The following ABAT variants were observed in gnomAD, a reference collection of about 807,000 sequenced individuals.
ABAT encodes 4-aminobutyrate aminotransferase, mitochondrial.
ABAT carries 45 observed loss-of-function variants against 64.6 expected under a neutral mutation model. The observed-to-expected ratio is 0.70, with a 90% confidence interval of 0.55 to 0.89. ABAT has a LOEUF of 0.89. Ranked by LOEUF, ABAT falls within the 40% of genes least tolerant of loss-of-function variation. The pLI is 0.00. For synonymous variants in ABAT, 297 were observed against 250.5 expected (o/e 1.19, Z -1.75); for missense variants, 633 against 658.4 (o/e 0.96, Z 0.42).
chr16:8,775,542 A>G lies in ABAT; in HGVS notation c.1122+485A>G, dbSNP rs116157491. ...CATACTCTTACCCACTACACTGTGTACTGCCATGTGTGCATACAGATTTAC... is the reference window on the plus strand; with the variant it reads ...CATACTCTTACCCACTACACTGTGTGCTGCCATGTGTGCATACAGATTTAC... On this transcript the variant is annotated intron_variant, in intron 13 of 15. Transcript: ENST00000268251. 4.7e-3 allele frequency among the ~76,000 whole-genome samples: 649 copies of G among 138,696 alleles called. 5 individuals are homozygous for G. The highest frequency in any genetic ancestry group is 0.016 in the African/African-American group (587 of 37,188). 91.0% of individuals were successfully genotyped at this position (138,696 alleles called of 152,430 possible).
intron 12 of ABAT, among the ~76,000 whole-genome samples, chr16:8,773,430 GCC>G (rs2060178850): frequency 1.3e-5 from 2 of 151,972 alleles, no homozygotes; most frequent in Non-Finnish European, 2.9e-5. Flanking sequence ...GGGATTACAG[GCC>G]TGAGCCACCA....
At chr16:8,756,072 G>A (rs938348374) in intron 5 of ABAT, among the ~76,000 whole-genome samples, 2 of 151,836 alleles carry the variant, frequency 1.3e-5, no homozygotes, top group East Asian at 1.9e-4. Context: ...AATTAGCCAG[G>A]CATGGTGGCA....
At chr16:8,779,115 G>A (rs75520478) in intron 14 of ABAT, among the ~76,000 whole-genome samples, 6 of 152,258 alleles carry the variant, frequency 3.9e-5, no homozygotes, top group South Asian at 2.1e-4. Flanking sequence ...GAACCTTATC[G>A]TGCTAAAGTC....
intron 1 of ABAT, among the ~76,000 whole-genome samples, chr16:8,691,652 G>A (rs2057585021): frequency 1.3e-5 from 2 of 152,150 alleles, no homozygotes; most frequent in Admixed American, 6.6e-5. Flanking sequence ...TGTTGGCCAG[G>A]CGGGTCTCAA....
At chr16:8,773,745 C>A (rs558498162) in intron 12 of ABAT, among the ~76,000 whole-genome samples, 1 of 152,176 alleles carries the variant, frequency 6.6e-6, no homozygotes, top group Non-Finnish European at 1.5e-5. Flanking sequence ...AGGCGTCATT[C>A]GACTCTATTT....
chr16:8,758,397 C>T (rs897026355), intron 6 of ABAT, among the ~76,000 whole-genome samples: 4 of 152,000 alleles, frequency 2.6e-5, no homozygotes, highest in South Asian at 2.1e-4. Context: ...GGCCACGAGT[C>T]GGGAGGAATG....
rs181408540 is a variant in ABAT, at chr16:8,760,785, G to C, written c.366+2979G>C. Among the ~76,000 whole-genome samples the C allele has an allele frequency of 5.6e-4, 85 of 152,328 alleles. 1 individual carries two copies. The East Asian group carries it at 7.5e-3, about 14-fold the overall frequency. On this transcript the variant is annotated intron_variant, in intron 6 of 15. Coordinates refer to ENST00000268251, the MANE Select transcript of ABAT (RefSeq NM_020686.6). The stretch of plus-strand genomic sequence containing the variant: ...CAACAACACACGACGTCAAGGCCCA[G>C]AGATTCCGGCTGCATGTGGTGGCTC...
Position 8,783,701 on chromosome 16 carries a change from A to T in ABAT, c.*2271A>T, listed in dbSNP as rs770661261. Reference sequence around the variant, plus strand: ...TATGCTTTCTCCTGAAAACTTTAGCATTGGGTGCAAATATTCAGTATGGTT... The same window carrying T: ...TATGCTTTCTCCTGAAAACTTTAGCTTTGGGTGCAAATATTCAGTATGGTT... On this transcript the variant is annotated 3_prime_UTR_variant, in exon 16 of 16. Transcript: ENST00000268251. The T allele has an allele frequency of 3.3e-5, 5 of 152,190 alleles. No individual in the cohort carries two copies. The highest frequency in any genetic ancestry group is 7.3e-5 in the Non-Finnish European group (5 of 68,042). 9.4% of individuals were successfully genotyped at this position (152,190 alleles called of 1,614,324 possible).
chr16:8,720,930 G>C (rs1163533833), intron 1 of ABAT: 1 of 152,312 alleles, frequency 6.6e-6, no homozygotes, highest in African/African-American at 2.4e-5. Flanking sequence ...CAGCGGAGTA[G>C]AAAGGTGAGT....
At chr16:8,755,125 C>T (rs183158741) in intron 5 of ABAT, among the ~76,000 whole-genome samples, 10 of 151,522 alleles carry the variant, frequency 6.6e-5, no homozygotes, top group East Asian at 1.9e-4. Flanking sequence ...AGAATATAGT[C>T]GTTGATTCGT....
At chr16:8,706,925 C>G (rs895592464) in intron 1 of ABAT, among the ~76,000 whole-genome samples, 7 of 152,126 alleles carry the variant, frequency 4.6e-5, no homozygotes, top group African/African-American at 1.7e-4. Flanking sequence ...GACGGGGCTG[C>G]AAGAATGGCA....
At chr16:8,693,633 T>C (rs1166050507) in intron 1 of ABAT, among the ~76,000 whole-genome samples, 2 of 152,120 alleles carry the variant, frequency 1.3e-5, no homozygotes, top group African/African-American at 4.8e-5. Context: ...GATACTGGGC[T>C]AATTTTGGTA....
rs180772442 is a variant in ABAT, at chr16:8,709,868, C to T, written c.-41-25831C>T. ...ACAGGCTCTCACTTTGTCACCCAGG[C>T]TGGAGTACAGTGGCACGGTAGCACA... On this transcript the variant is annotated intron_variant, in intron 1 of 15. Coordinates refer to ENST00000268251, the MANE Select transcript of ABAT (RefSeq NM_020686.6). 2.3e-3 allele frequency among the ~76,000 whole-genome samples: 354 copies of T among 150,984 alleles called. 1 individual carries two copies. Among genetic ancestry groups the T allele is most frequent in the Middle Eastern group, 3.4e-3 (1 of 290 alleles).
chr16:8,684,004 G>A (rs1008002190), intron 1 of ABAT, among the ~76,000 whole-genome samples: 2 of 152,064 alleles, frequency 1.3e-5, no homozygotes, highest in Admixed American at 1.3e-4. Context: ...CAAAGACTCA[G>A]CTACTACACC....
intron 1 of ABAT, among the ~76,000 whole-genome samples, chr16:8,720,056 GC>G (rs1459644484): frequency 2.0e-5 from 3 of 152,116 alleles, no homozygotes; most frequent in Non-Finnish European, 4.4e-5. Flanking sequence ...CAGGTGATCT[GC>G]CTGCCTCGGC....
intron 14 of ABAT, among the ~76,000 whole-genome samples, chr16:8,777,370 A>C (rs1184285347): frequency 6.6e-6 from 1 of 151,734 alleles, no homozygotes; most frequent in Non-Finnish European, 1.5e-5. Flanking sequence ...ATTACTCTCT[A>C]CCCTCAAGGT....
chr16:8,732,390 CT>C (rs1373324882), intron 1 of ABAT, among the ~76,000 whole-genome samples: 3 of 150,578 alleles, frequency 2.0e-5, no homozygotes, highest in African/African-American at 7.4e-5. Context: ...GTTTGTGTCC[CT>C]GGGTACTTGA....
At chr16:8,704,829 C>T (rs1470621919) in intron 1 of ABAT, among the ~76,000 whole-genome samples, 1 of 152,074 alleles carries the variant, frequency 6.6e-6, no homozygotes, top group Non-Finnish European at 1.5e-5. Flanking sequence ...TTCAACTGAG[C>T]ACGCTTCTTT....
At chr16:8,698,822 T>G (rs1273379) in intron 1 of ABAT, among the ~76,000 whole-genome samples, 11,038 of 152,178 alleles carry the variant, frequency 0.073, 543 homozygotes, top group Middle Eastern at 0.2. Context: ...GGCACACACC[T>G]GTAATCCCAG....
Sources: allele counts gnomAD v4.1 joint callset (sites outside exome capture counted in the v4.1 genomes callset), GRCh38; gene constraint gnomAD v4.1.1; transcripts MANE v1.5; gene names NCBI Gene and HGNC (gene_info 2026-07-23, HGNC 2026-07-21).